SAMD13: variants seen among roughly 807,000 people sequenced by gnomAD.
The protein encoded by SAMD13 is sterile alpha motif domain containing 13.
SAMD13 carries 9 observed loss-of-function variants against 12.4 expected under a neutral mutation model. The ratio of observed to expected loss-of-function variants is 0.72; its 90% CI spans 0.44 to 1.26. The LOEUF is 1.26. SAMD13 is among the 50% of genes most tolerant of loss of function. The pLI, the probability that SAMD13 is intolerant of heterozygous loss-of-function variation, is 0.00. For missense variants in SAMD13, 84 were observed against 119.6 expected (o/e 0.70, Z 1.39); for synonymous variants, 46 against 45.4 (o/e 1.01, Z -0.05).
intron 3 of SAMD13, among the ~76,000 whole-genome samples, chr1:84,347,165 G>A (rs1158914594): frequency 6.6e-6 from 1 of 152,204 alleles, no homozygotes; most frequent in African/African-American, 2.4e-5. Flanking sequence ...CGGTTTGCCT[G>A]ACTGTAAGCT....
intron 3 of SAMD13, among the ~76,000 whole-genome samples, chr1:84,332,670 T>C (rs1284744074): frequency 2.0e-5 from 3 of 152,180 alleles, no homozygotes; most frequent in Non-Finnish European, 4.4e-5. Flanking sequence ...TTTCTCCCAT[T>C]TTGTAGGTTG....
At chr1:84,308,523 T>C (rs1678634973) in intron 2 of SAMD13, among the ~76,000 whole-genome samples, 2 of 152,228 alleles carry the variant, frequency 1.3e-5, no homozygotes, top group Non-Finnish European at 1.5e-5. Context: ...GGCTAACTCT[T>C]ACCTGAGTAA....
intron 2 of SAMD13, among the ~76,000 whole-genome samples, chr1:84,322,941 T>A (rs940447678): frequency 4.6e-5 from 7 of 152,216 alleles, no homozygotes; most frequent in African/African-American, 1.7e-4. Flanking sequence ...CTTATTTTGT[T>A]ATTACAATTG....
chr1:84,310,271 G>C (rs886717291), intron 2 of SAMD13, among the ~76,000 whole-genome samples: 4 of 151,932 alleles, frequency 2.6e-5, no homozygotes, highest in African/African-American at 9.7e-5. Context: ...TAGTAGGGGG[G>C]TTCAAACTTT....
rs1679178796 is a variant in SAMD13, at chr1:84,331,351, A to AT, written c.165+5603_165+5604insT. ...GGTAAAAAAAAAAAAAAAAAAAAAAAAAAAAAATTATGGATACAAACTTGT... is the reference window on the plus strand; with the variant it reads ...GGTAAAAAAAAAAAAAAAAAAAAAAATAAAAAAATTATGGATACAAACTTGT... On this transcript the variant is annotated intron_variant, in intron 3 of 3. Transcript: ENST00000394834. Among the ~76,000 whole-genome samples, 4 of 103,720 alleles carry AT rather than the reference A, an allele frequency of 3.9e-5. 1 individual carries two copies. The highest frequency in any genetic ancestry group is 1.3e-4 in the African/African-American group (4 of 30,584). The allele number at this position is 103,720 out of a possible 152,430, so 68.0% of individuals were successfully genotyped here.
rs145330285 is a variant in SAMD13, at chr1:84,331,548, G to A, written c.165+5800G>A. 1.3e-3 allele frequency among the ~76,000 whole-genome samples: 203 copies of A among 152,086 alleles called. 2 individuals are homozygous for A. Among genetic ancestry groups the A allele is most frequent in the Admixed American group, 9.6e-3 (146 of 15,244 alleles). Reference sequence around the variant, plus strand: ...GCCTGATAATTTTTAACAATTGAAGGTTACTGAAATGCTTAAAATATTTTG... The same window carrying A: ...GCCTGATAATTTTTAACAATTGAAGATTACTGAAATGCTTAAAATATTTTG... On this transcript the variant is annotated intron_variant, in intron 3 of 3. Coordinates refer to ENST00000394834, the MANE Select transcript of SAMD13 (RefSeq NM_001134663.2).
intron 2 of SAMD13, among the ~76,000 whole-genome samples, chr1:84,313,517 T>C (rs1678761717): frequency 6.6e-6 from 1 of 152,172 alleles, no homozygotes; most frequent in Non-Finnish European, 1.5e-5. Context: ...CTTTTTCAGA[T>C]GAAAAATGTC....
intron 3 of SAMD13, among the ~76,000 whole-genome samples, chr1:84,332,721 T>C (rs1351900373): frequency 6.6e-6 from 1 of 152,216 alleles, no homozygotes; most frequent in Non-Finnish European, 1.5e-5. Flanking sequence ...ATGCAGAAAC[T>C]CTTTAGTTTA....
intron 3 of SAMD13, among the ~76,000 whole-genome samples, chr1:84,348,237 T>C (rs543182201): frequency 1.3e-5 from 2 of 152,284 alleles, no homozygotes; most frequent in East Asian, 3.9e-4. Flanking sequence ...GGGACTTGCC[T>C]AAGGTCACAA....
chr1:84,323,461 T>A (rs988105511), intron 2 of SAMD13, among the ~76,000 whole-genome samples: 1 of 152,146 alleles, frequency 6.6e-6, no homozygotes, highest in Admixed American at 6.6e-5. Context: ...AGGCATGCAG[T>A]GGTTATAGAT....
chr1:84,301,626 G>C, upstream of SAMD13: 1 of 985,440 alleles, frequency 1.0e-6, no homozygotes, highest in African/African-American at 1.7e-5. Context: ...GGTGCAGCTT[G>C]TGTGTGATTC....
upstream of SAMD13, chr1:84,298,559 T>G (rs537825632): frequency 7.8e-7 from 1 of 1,277,328 alleles, no homozygotes; most frequent in African/African-American, 1.5e-5. Flanking sequence ...GGCGCGGCCA[T>G]GCGGGGAGGT....
At chr1:84,316,396 G>A (rs1282909888) in intron 2 of SAMD13, among the ~76,000 whole-genome samples, 1 of 151,988 alleles carries the variant, frequency 6.6e-6, no homozygotes, top group Non-Finnish European at 1.5e-5. Context: ...TTGATATTTT[G>A]TGTATGGTAA....
intron 2 of SAMD13, among the ~76,000 whole-genome samples, chr1:84,313,333 T>C (rs532124596): frequency 1.3e-5 from 2 of 152,268 alleles, no homozygotes; most frequent in South Asian, 4.1e-4. Context: ...GGATGAATTA[T>C]AAACTTTGGT....
At position 84,318,883 on chromosome 1, in the gene SAMD13, T is replaced by A. The variant is rs1363965030; in HGVS notation, c.54-6754T>A. Among the ~76,000 whole-genome samples, 6 of 152,336 alleles carry A rather than the reference T, an allele frequency of 3.9e-5. No homozygotes were observed. The South Asian group carries it at 1.2e-3, about 32-fold the overall frequency. On this transcript the variant is annotated intron_variant, in intron 2 of 3. Coordinates refer to ENST00000394834, the MANE Select transcript of SAMD13 (RefSeq NM_001134663.2). ...GTTTATTATTTTGAGTTATACTGAT[T>A]TTTCCATTGCAAATAACTGCCTTGA... is the stretch of plus-strand genomic sequence containing the variant.
intron 3 of SAMD13, among the ~76,000 whole-genome samples, chr1:84,334,377 A>C (rs1472607863): frequency 6.6e-6 from 1 of 151,890 alleles, no homozygotes; most frequent in Non-Finnish European, 1.5e-5. Flanking sequence ...TTTTTAAAAA[A>C]TATTTCTATG....
At chr1:84,316,273 TC>T (rs1678831501) in intron 2 of SAMD13, among the ~76,000 whole-genome samples, 1 of 152,010 alleles carries the variant, frequency 6.6e-6, no homozygotes, top group Non-Finnish European at 1.5e-5. Flanking sequence ...CTTTTTGGTG[TC>T]ATATCCATGA....
chr1:84,326,590 G>C (rs1220309770), intron 3 of SAMD13, among the ~76,000 whole-genome samples: 1 of 152,132 alleles, frequency 6.6e-6, no homozygotes, highest in Non-Finnish European at 1.5e-5. Flanking sequence ...ACACAGTGTG[G>C]TTCACACCAG....
chr1:84,312,098 T>C (rs1045145322), intron 2 of SAMD13, among the ~76,000 whole-genome samples: 2 of 152,088 alleles, frequency 1.3e-5, no homozygotes, highest in African/African-American at 2.4e-5. Context: ...TCTGATAATA[T>C]TCTAGCAAAA....
Sources: gnomAD v4.1 joint callset for allele counts (sites outside exome capture counted in the v4.1 genomes callset) on GRCh38, gnomAD v4.1.1 for gene constraint, MANE v1.5 for transcripts, NCBI Gene and HGNC (gene_info 2026-07-23, HGNC 2026-07-21) for gene names.